LRRC7: variants seen among roughly 807,000 people sequenced by gnomAD.
LRRC7 encodes leucine rich repeat containing 7, also known as leucine-rich repeat-containing protein 7.
A neutral mutation model predicts 175.7 loss-of-function variants in LRRC7; 23 were observed. The ratio of observed to expected loss-of-function variants is 0.13; its 90% CI spans 0.09 to 0.19. LRRC7 has a LOEUF of 0.19. LRRC7 is among the 10% of genes least tolerant of loss of function. The probability of loss-of-function intolerance (pLI) is 1.00; values close to 1 mark genes in which losing one functional copy is unlikely to be tolerated. For synonymous variants in LRRC7, 685 were observed against 680.9 expected, an observed-to-expected ratio of 1.01 and a Z score of -0.09; for missense variants, 1,354 against 1,904.7, an observed-to-expected ratio of 0.71 and a Z score of 5.38.
At chr1:70,012,935 G>A in intron 12 of LRRC7, 39 bp from the exon 13 acceptor site, 3 of 1,036,802 alleles carry the variant, frequency 2.9e-6, no homozygotes, top group Non-Finnish European at 4.3e-6. Context: ...ATAGTATTGT[G>A]GTCTGATTTT....
chr1:69,758,075 C>T (rs1670630200), intron 2 of LRRC7, among the ~76,000 whole-genome samples: 1 of 151,966 alleles, frequency 6.6e-6, no homozygotes, highest in Non-Finnish European at 1.5e-5. Context: ...TCACAACAAA[C>T]ATTTACTAAG....
intron 8 of LRRC7, among the ~76,000 whole-genome samples, chr1:69,968,320 A>G (rs1651869746): frequency 6.6e-6 from 1 of 152,176 alleles, no homozygotes. Flanking sequence ...TAAACGACCA[A>G]ACCTAAGAAT....
intron 1 of LRRC7, among the ~76,000 whole-genome samples, chr1:69,573,466 T>G (rs1645820060): frequency 6.6e-6 from 1 of 152,164 alleles, no homozygotes; most frequent in Non-Finnish European, 1.5e-5. Flanking sequence ...TGTTGCTTAT[T>G]ATCTTGGAAT....
intron 3 of LRRC7, among the ~76,000 whole-genome samples, chr1:69,791,672 A>G (rs2101060176): frequency 6.6e-6 from 1 of 152,242 alleles, no homozygotes; most frequent in South Asian, 2.1e-4. Context: ...ATGTGGTCAC[A>G]GAAAAAGAGA....
At chr1:70,022,210 C>G (rs1657584278) in intron 16 of LRRC7, 1 of 152,108 alleles carries the variant, frequency 6.6e-6, no homozygotes, top group Admixed American at 6.5e-5. Context: ...AAAGAGACAT[C>G]TTTTTGAACT....
At chr1:69,773,090 G>C (rs1267836183) in intron 3 of LRRC7, among the ~76,000 whole-genome samples, 1 of 152,122 alleles carries the variant, frequency 6.6e-6, no homozygotes, top group African/African-American at 2.4e-5. Context: ...CATGGGACCA[G>C]CTAGAAAAGT....
chr1:69,680,875 A>G (rs4650306), intron 2 of LRRC7, among the ~76,000 whole-genome samples: 31,841 of 151,972 alleles, frequency 0.21, 3,503 homozygotes, highest in South Asian at 0.29. Context: ...TATTTTAAGA[A>G]TTAAGGGAGA....
chr1:69,747,821 C>G (rs920077078), intron 2 of LRRC7, among the ~76,000 whole-genome samples: 5 of 152,058 alleles, frequency 3.3e-5, no homozygotes, highest in African/African-American at 1.2e-4. Context: ...AAAATGGTAA[C>G]AAAATCATTC....
intron 3 of LRRC7, among the ~76,000 whole-genome samples, chr1:69,766,755 A>G (rs955848508): frequency 6.6e-6 from 1 of 152,134 alleles, no homozygotes; most frequent in Non-Finnish European, 1.5e-5. Flanking sequence ...AAACACTCAT[A>G]TATGATTTTT....
At chr1:70,022,084 C>T (rs1351844648) in intron 16 of LRRC7, among the ~76,000 whole-genome samples, 1 of 152,038 alleles carries the variant, frequency 6.6e-6, no homozygotes, top group Non-Finnish European at 1.5e-5. Context: ...CAAGGCCTAC[C>T]AATATCGTTA....
At chr1:69,884,861 C>G (rs1444917838) in intron 7 of LRRC7, among the ~76,000 whole-genome samples, 3 of 143,250 alleles carry the variant, frequency 2.1e-5, no homozygotes, top group Non-Finnish European at 3.0e-5. Context: ...TTTTCTGCAT[C>G]TATTGAGATA....
intron 14 of LRRC7, 44 bp from the exon 15 acceptor site, chr1:70,018,675 A>G (rs1373546454): frequency 5.8e-6 from 8 of 1,374,154 alleles, no homozygotes; most frequent in Non-Finnish European, 7.2e-6. Context: ...ACTGTTATAT[A>G]TTTGCAATTG....
intron 4 of LRRC7, among the ~76,000 whole-genome samples, chr1:69,796,628 T>C (rs1030984864): frequency 6.6e-6 from 1 of 151,824 alleles, no homozygotes; most frequent in African/African-American, 2.4e-5. Flanking sequence ...CTACTAAAAA[T>C]ACAACAAGAA....
intron 7 of LRRC7, among the ~76,000 whole-genome samples, chr1:69,890,738 T>C (rs1273494498): frequency 6.6e-6 from 1 of 152,242 alleles, no homozygotes; most frequent in Non-Finnish European, 1.5e-5. Context: ...ATTAATTATC[T>C]GAGCTAGATC....
chr1:69,920,484 A>G (rs969434023), intron 7 of LRRC7, among the ~76,000 whole-genome samples: 3 of 152,308 alleles, frequency 2.0e-5, no homozygotes, highest in African/African-American at 4.8e-5. Context: ...TTTATCCTAT[A>G]CAAAGATAAG....
rs1557463007 is a variant in LRRC7, at chr1:69,600,795, G to GTTTT, written c.2+32154_2+32155insTTTT. ...ATTAGCCATTTCTCCAAGGATCTCT[G>GTTTT]GTTTCTTTTTTTTTTTTTTTTTTTT... On this transcript the variant is annotated intron_variant, in intron 1 of 26. Transcript: ENST00000651989. Among the ~76,000 whole-genome samples, 10 of 3,916 alleles carry GTTTT rather than the reference G, an allele frequency of 2.6e-3. 3 individuals carry two copies. The highest frequency in any genetic ancestry group is 5.9e-3 in the Admixed American group (2 of 338). The allele number at this position is 3,916 out of a possible 152,430, so 2.6% of individuals were successfully genotyped here. A position where few individuals can be genotyped will look rare whatever the true frequency, so the allele number is the denominator to read the frequency against.
intron 1 of LRRC7, among the ~76,000 whole-genome samples, chr1:69,635,835 T>TA (rs1407259362): frequency 6.6e-6 from 1 of 151,880 alleles, no homozygotes; most frequent in African/African-American, 2.4e-5. Flanking sequence ...GATGTTTTTT[T>TA]AAAAAAATAG....
intron 9 of LRRC7, 24 bp downstream of exon 9, chr1:69,980,477 T>C (rs764048134): frequency 5.3e-6 from 8 of 1,500,814 alleles, no homozygotes; most frequent in African/African-American, 1.4e-5. Flanking sequence ...TATTCTACCA[T>C]GTTGTTTAAT....
chr1:70,127,439 A>T lies in LRRC7; in HGVS notation c.*5552A>T, dbSNP rs1264955234. 6.6e-6 allele frequency among the ~76,000 whole-genome samples: 1 copy of T among 152,232 alleles called. No homozygotes were observed. The highest frequency in any genetic ancestry group is 6.5e-5 in the Admixed American group (1 of 15,286). ...AAAAACATACAGTTAAAGTATAGGA[A>T]TATTGAGTCCCTTGGGATTTTAACC... is the stretch of plus-strand genomic sequence containing the variant. On this transcript the variant is annotated 3_prime_UTR_variant, in exon 27 of 27. Transcript: ENST00000651989.
Sources: gnomAD v4.1 joint callset for allele counts (sites outside exome capture counted in the v4.1 genomes callset) on GRCh38, gnomAD v4.1.1 for gene constraint, MANE v1.5 for transcripts, NCBI Gene and HGNC (gene_info 2026-07-23, HGNC 2026-07-21) for gene names.